CPNE8: variants seen among roughly 807,000 people sequenced by gnomAD.
CPNE8 encodes the protein copine 8, also known as copine-8.
CPNE8 carries 45 observed loss-of-function variants against 81.5 expected under a neutral mutation model. The ratio of observed to expected loss-of-function variants is 0.55; its 90% CI spans 0.44 to 0.71. The LOEUF is 0.71. CPNE8 is among the 30% of genes least tolerant of loss of function. The probability of loss-of-function intolerance (pLI) is 0.00; values close to 1 mark genes in which losing one functional copy is unlikely to be tolerated. For missense variants in CPNE8, 594 were observed against 672.1 expected, an observed-to-expected ratio of 0.88 and a Z score of 1.28; for synonymous variants, 252 against 226.3, an observed-to-expected ratio of 1.11 and a Z score of -1.02.
At chr12:38,673,944 AAAG>A (rs1386306029) in intron 18 of CPNE8, among the ~76,000 whole-genome samples, 1 of 152,070 alleles carries the variant, frequency 6.6e-6, no homozygotes, top group African/African-American at 2.4e-5. Flanking sequence ...TTGGAGGGAA[AAAG>A]TAATGGGAAT....
chr12:38,668,436 C>T (rs1939105585), intron 19 of CPNE8, among the ~76,000 whole-genome samples: 1 of 152,128 alleles, frequency 6.6e-6, no homozygotes, highest in Non-Finnish European at 1.5e-5. Flanking sequence ...CAAACATAAC[C>T]TATTGGTCTT....
chr12:38,715,128 T>C lies in CPNE8; in HGVS notation c.914+8644A>G, dbSNP rs538115004. On this transcript the variant is annotated intron_variant, in intron 13 of 19. Coordinates refer to ENST00000331366, the MANE Select transcript of CPNE8 (RefSeq NM_153634.3). ...GATAAAATTTTAAATTGCAATTCAA[T>C]AAGTTATTTCTGTGAATTTAATTGC... Among the ~76,000 whole-genome samples the C allele has an allele frequency of 3.3e-4, 50 of 152,224 alleles. No individual in the cohort carries two copies. The South Asian group carries it at 9.9e-3, about 30-fold the overall frequency.
chr12:38,695,015 C>T (rs1182645056), intron 14 of CPNE8, among the ~76,000 whole-genome samples: 3 of 152,212 alleles, frequency 2.0e-5, no homozygotes, highest in Non-Finnish European at 4.4e-5. Context: ...GAGTTACCAG[C>T]GTTCAAGGGC....
intron 6 of CPNE8, among the ~76,000 whole-genome samples, chr12:38,796,907 C>T (rs539115569): frequency 6.6e-6 from 1 of 152,314 alleles, no homozygotes; most frequent in South Asian, 2.1e-4. Context: ...CCGCACATGG[C>T]TCAGAGGGTC....
At chr12:38,863,774 C>T (rs889761086) in intron 3 of CPNE8, among the ~76,000 whole-genome samples, 1 of 151,962 alleles carries the variant, frequency 6.6e-6, no homozygotes, top group African/African-American at 2.4e-5. Context: ...TCCTGTCGGC[C>T]GGGTGCGGTG....
intron 10 of CPNE8, among the ~76,000 whole-genome samples, chr12:38,743,898 T>C (rs1354684691): frequency 6.6e-6 from 1 of 152,180 alleles, no homozygotes; most frequent in Non-Finnish European, 1.5e-5. Context: ...CAAAGCTGAA[T>C]TTTTATTGGC....
intron 18 of CPNE8, among the ~76,000 whole-genome samples, chr12:38,674,343 C>T (rs908405469): frequency 2.0e-5 from 3 of 152,048 alleles, no homozygotes; most frequent in African/African-American, 7.2e-5. Flanking sequence ...GGTGGACTTC[C>T]ATAGGAGTCT....
chr12:38,733,414 T>G (rs1356592837), intron 10 of CPNE8, among the ~76,000 whole-genome samples: 1 of 151,992 alleles, frequency 6.6e-6, no homozygotes, highest in African/African-American at 2.4e-5. Context: ...ATATTTTATC[T>G]GTTCATGATG....
At chr12:38,869,490 C>T (rs888416119) in intron 3 of CPNE8, among the ~76,000 whole-genome samples, 1 of 152,160 alleles carries the variant, frequency 6.6e-6, no homozygotes, top group East Asian at 1.9e-4. Context: ...CAACATTATG[C>T]TGGCTCTCAA....
At chr12:38,839,358 T>C (rs189869088) in intron 5 of CPNE8, among the ~76,000 whole-genome samples, 231 of 151,942 alleles carry the variant, frequency 1.5e-3, no homozygotes, top group African/African-American at 5.4e-3. Flanking sequence ...ACTAGAGCTC[T>C]TGAGAAAAGA....
intron 11 of CPNE8, chr12:38,726,372 T>A (rs1281879866): frequency 6.6e-6 from 1 of 152,094 alleles, no homozygotes; most frequent in Admixed American, 6.5e-5. Context: ...ATTCCACGTA[T>A]TATTTATTGT....
intron 6 of CPNE8, among the ~76,000 whole-genome samples, chr12:38,799,256 G>GCAT (rs1270196558): frequency 2.0e-5 from 3 of 151,532 alleles, no homozygotes; most frequent in African/African-American, 4.8e-5. Flanking sequence ...ATTTTTTTCA[G>GCAT]CACACCACAC....
At chr12:38,793,563 A>G (rs1428286892) in intron 6 of CPNE8, among the ~76,000 whole-genome samples, 1 of 152,024 alleles carries the variant, frequency 6.6e-6, no homozygotes, top group Non-Finnish European at 1.5e-5. Context: ...GCTGAAAGAA[A>G]TTAAAGGCAC....
At chr12:38,742,478 A>T (rs1941130072) in intron 10 of CPNE8, among the ~76,000 whole-genome samples, 1 of 146,702 alleles carries the variant, frequency 6.8e-6, no homozygotes, top group South Asian at 2.3e-4. Flanking sequence ...GAACTGAACA[A>T]TGAGAACACT....
intron 1 of CPNE8, among the ~76,000 whole-genome samples, chr12:38,880,590 G>GT (rs1405417006): frequency 1.3e-5 from 2 of 152,002 alleles, no homozygotes; most frequent in African/African-American, 4.8e-5. Context: ...AGGGCATTAT[G>GT]TTATCTTATG....
At chr12:38,894,259 AG>A (rs1944354497) in intron 1 of CPNE8, among the ~76,000 whole-genome samples, 1 of 152,184 alleles carries the variant, frequency 6.6e-6, no homozygotes, top group Non-Finnish European at 1.5e-5. Context: ...AGTGAAACAA[AG>A]AAAATAAAGC....
At chr12:38,801,926 G>A (rs1207761613) in intron 6 of CPNE8, among the ~76,000 whole-genome samples, 2 of 74,184 alleles carry the variant, frequency 2.7e-5, no homozygotes, top group South Asian at 9.3e-4. Flanking sequence ...ATTACATAAT[G>A]GTAAAGGGAT....
intron 6 of CPNE8, among the ~76,000 whole-genome samples, chr12:38,796,691 G>A (rs1354983490): frequency 1.3e-5 from 2 of 152,064 alleles, no homozygotes; most frequent in Non-Finnish European, 1.5e-5. Context: ...CCACACAGTG[G>A]GCGCAGGACA....
intron 6 of CPNE8, among the ~76,000 whole-genome samples, chr12:38,798,578 C>A (rs1281361057): frequency 4.6e-5 from 7 of 151,932 alleles, no homozygotes; most frequent in Admixed American, 4.6e-4. Flanking sequence ...CAACCGGTAC[C>A]AGCCACTGCA....
Sources: gnomAD v4.1 joint callset for allele counts (sites outside exome capture counted in the v4.1 genomes callset) on GRCh38, gnomAD v4.1.1 for gene constraint, MANE v1.5 for transcripts, NCBI Gene and HGNC (gene_info 2026-07-23, HGNC 2026-07-21) for gene names.